Variants in ZBTB1 observed in about 807,000 individuals in gnomAD.
The protein encoded by ZBTB1 is zinc finger and BTB domain-containing protein 1.
Under a neutral mutation model 51.6 loss-of-function variants are expected in ZBTB1, and 13 were observed. The ratio of observed to expected loss-of-function variants is 0.25; its 90% CI spans 0.16 to 0.40. The LOEUF (loss-of-function observed/expected upper bound fraction) is 0.40. Ranked by LOEUF, ZBTB1 falls within the 10% of genes least tolerant of loss-of-function variation. The probability of loss-of-function intolerance (pLI) is 1.00; values close to 1 mark genes in which losing one functional copy is unlikely to be tolerated. For synonymous variants in ZBTB1, 240 were observed against 282.2 expected, an observed-to-expected ratio of 0.85 and a Z score of 1.50; for missense variants, 567 against 856.5, an observed-to-expected ratio of 0.66 and a Z score of 4.22.
intron 1 of ZBTB1, among the ~76,000 whole-genome samples, chr14:64,507,555 GCCTGGGGATGGC>G (rs902096648): frequency 2.0e-5 from 3 of 152,178 alleles, no homozygotes; most frequent in African/African-American, 7.2e-5. Context: ...GCCTCACTCT[GCCTGGGGATGGC>G]CTGTGGTGAT....
chr14:64,521,744 G>C lies in ZBTB1; in HGVS notation c.240G>C (p.Gln80His). The C allele has an allele frequency of 6.2e-7, 1 of 1,613,458 alleles. No individual in the cohort carries two copies. The highest frequency in any genetic ancestry group is 8.5e-7 in the Non-Finnish European group (1 of 1,180,032). ...ISAECFDLILQFMYLGKIMTA... is the reference protein window; with the variant it reads ...ISAECFDLILHFMYLGKIMTA... ...CAGAATGTTTTGATCTCATTTTGCA[G>C]TTTATGTATTTAGGAAAAATTATGA... Residue 80 changes from glutamine to histidine, a missense_variant, in exon 2 of 2, where the codon CAG becomes CAC. Coordinates refer to ENST00000683701, the MANE Select transcript of ZBTB1 (RefSeq NM_001123329.2).
intron 1 of ZBTB1, among the ~76,000 whole-genome samples, chr14:64,510,501 G>A (rs184624020): frequency 5.3e-4 from 81 of 152,308 alleles, no homozygotes; most frequent in Non-Finnish European, 8.7e-4. Context: ...TGCAGGAGGT[G>A]ATAAACTGAT....
rs958446795 is a variant in ZBTB1, at chr14:64,505,013, G to C, written c.-19+67G>C. On this transcript the variant is annotated intron_variant, in intron 1 of 1. Coordinates refer to ENST00000683701, the MANE Select transcript of ZBTB1 (RefSeq NM_001123329.2). The stretch of plus-strand genomic sequence containing the variant: ...CCCAGGCCGGAGGGCGACGGGCCGC[G>C]GGCCTGGCGGAGTGCGGGGCCGGAG... 2.6e-5 allele frequency: 10 copies of C among 388,122 alleles called. No individual in the cohort carries two copies. In the South Asian group the frequency reaches 1.3e-3, roughly 50 times the overall value. 24.0% of individuals were successfully genotyped at this position (388,122 alleles called of 1,614,324 possible). A position where few individuals can be genotyped will look rare whatever the true frequency, so the allele number is the denominator to read the frequency against.
At chr14:64,528,584 A>G (rs747370003), downstream of ZBTB1, among the ~76,000 whole-genome samples, 1 of 152,118 alleles carries the variant, frequency 6.6e-6, no homozygotes, top group Non-Finnish European at 1.5e-5. Context: ...ACTGGGGATG[A>G]TAGGATGAAT....
Position 64,521,885 on chromosome 14 carries a change from C to G in ZBTB1, c.381C>G (p.Ser127=), listed in dbSNP as rs780344438. 3 of 1,613,682 alleles carry G rather than the reference C, an allele frequency of 1.9e-6. No homozygotes were observed. The South Asian group carries it at 3.3e-5, about 18-fold the overall frequency. ...CAGATTGTTCTAGTTCAAAATGTTC[C>G]TCTTCTGCTTCCAGCAAACAGAACA... ...QDADCSSSKC[S]SSASSKQNSK... The change falls in exon 2 of 2, where the codon TCC becomes TCG. Residue 127 remains serine, a synonymous_variant. Transcript: ENST00000683701.
At chr14:64,511,675 G>GGCCACAGGAGATCAGCACACCT (rs2079725903) in intron 1 of ZBTB1, among the ~76,000 whole-genome samples, 1 of 152,106 alleles carries the variant, frequency 6.6e-6, no homozygotes, top group South Asian at 2.1e-4. Flanking sequence ...TGAAATGGTG[G>GGCCACAGGAGATCAGCACACCT]GCCACAGGAG....
intron 2 of ZBTB1, chr14:64,531,746 G>A: frequency 8.7e-7 from 1 of 1,151,942 alleles, no homozygotes; most frequent in Non-Finnish European, 1.3e-6. Context: ...TGTTAACAGT[G>A]TGTTGGCCTA....
At position 64,504,812 on chromosome 14, in the gene ZBTB1, G is replaced by A; in HGVS notation, c.-153G>A. The A allele has an allele frequency of 2.6e-6, 1 of 389,358 alleles. No individual in the cohort carries two copies. Among genetic ancestry groups the A allele is most frequent in the Non-Finnish European group, 4.5e-6 (1 of 220,104 alleles). The allele number at this position is 389,358 out of a possible 1,614,324, so 24.1% of individuals were successfully genotyped here. A position where few individuals can be genotyped will look rare whatever the true frequency, so the allele number is the denominator to read the frequency against. On this transcript the variant is annotated 5_prime_UTR_variant, in exon 1 of 2. Coordinates refer to ENST00000683701, the MANE Select transcript of ZBTB1 (RefSeq NM_001123329.2). ...GGCAGAGCCAGAGCCTCTCCGCGCA[G>A]CCCAGCCCGAGCGCCGAGCGCCGCG...
chr14:64,532,077 G>T, exon 3 of ZBTB1: 2 of 618,162 alleles, frequency 3.2e-6, no homozygotes, highest in South Asian at 2.6e-5. Flanking sequence ...AGATCACTTT[G>T]GAATCACTTT....
At chr14:64,515,737 G>T (rs1441652903) in intron 1 of ZBTB1, among the ~76,000 whole-genome samples, 1 of 152,026 alleles carries the variant, frequency 6.6e-6, no homozygotes, top group Admixed American at 6.5e-5. Context: ...AGCCAGGATG[G>T]CTCGATTTCC....
rs887694913 is a variant in ZBTB1 at position 64,523,455 on chromosome 14, C to A, written c.1951C>A (p.Arg651=). 5.6e-6 allele frequency: 9 copies of A among 1,614,088 alleles called. No homozygotes were observed. Among genetic ancestry groups the A allele is most frequent in the Non-Finnish European group, 7.6e-6 (9 of 1,179,966 alleles). The change falls in exon 2 of 2, where the codon CGG becomes AGG. Residue 651 remains arginine (R), a synonymous_variant. Transcript: ENST00000683701. The surrounding 1 kb of genome is among the most constrained non-coding windows in gnomAD (Gnocchi z 4.5). ...AAACTTCAGAAAACATGACCATGTA[C>A]GGCATATGATTTCTCATTTATCTGC... ...QGNFRKHDHV[R]HMISHLSAGE...
chr14:64,507,545 G>A (rs187128130), intron 1 of ZBTB1, among the ~76,000 whole-genome samples: 5 of 152,306 alleles, frequency 3.3e-5, no homozygotes, highest in Admixed American at 2.6e-4. Context: ...AGCTGTGTGT[G>A]CCTCACTCTG....
chr14:64,505,178 C>T (rs1002713608), intron 1 of ZBTB1: 2 of 330,082 alleles, frequency 6.1e-6, no homozygotes, highest in Non-Finnish European at 5.5e-6. Flanking sequence ...GGCGAAGCCC[C>T]TACGGAGACT....
chr14:64,505,048 T>G, intron 1 of ZBTB1, 102 bp downstream of exon 1: 1 of 375,866 alleles, frequency 2.7e-6, no homozygotes, highest in Admixed American at 4.6e-5. Context: ...GGGGCGCCGA[T>G]CCGTGCGGGG....
chr14:64,526,655 A>T (rs1465587915), downstream of ZBTB1, among the ~76,000 whole-genome samples: 1 of 152,202 alleles, frequency 6.6e-6, no homozygotes, highest in Non-Finnish European at 1.5e-5. Context: ...AGTAAACAGG[A>T]CTAAGAATCT....
At chr14:64,507,350 G>A (rs555808850) in intron 1 of ZBTB1, among the ~76,000 whole-genome samples, 2 of 152,074 alleles carry the variant, frequency 1.3e-5, no homozygotes, top group African/African-American at 2.4e-5. Flanking sequence ...AGGGTTACTC[G>A]TGTCTATTTT....
chr14:64,504,750 T>C, upstream of ZBTB1: 1 of 374,994 alleles, frequency 2.7e-6, no homozygotes, highest in Non-Finnish European at 4.7e-6. Context: ...GGCGCGGCTG[T>C]GCGGCAGCGG....
At chr14:64,511,278 T>C (rs951161420) in intron 1 of ZBTB1, 3 of 152,240 alleles carry the variant, frequency 2.0e-5, no homozygotes, top group Admixed American at 2.0e-4. Flanking sequence ...GATGCTGTGC[T>C]GTCTCGTTAG....
chr14:64,510,696 G>A (rs2079715783), intron 1 of ZBTB1, among the ~76,000 whole-genome samples: 1 of 152,220 alleles, frequency 6.6e-6, no homozygotes, highest in Admixed American at 6.5e-5. Context: ...TGTAAGACTA[G>A]ATGGGTGGGC....
Sources: allele counts gnomAD v4.1 joint callset (sites outside exome capture counted in the v4.1 genomes callset), GRCh38; gene constraint gnomAD v4.1.1; non-coding constraint Gnocchi (gnomAD v3.1); transcripts MANE v1.5; gene names NCBI Gene and HGNC (gene_info 2026-07-23, HGNC 2026-07-21).